PARP11: variants seen among roughly 807,000 people sequenced by gnomAD.
PARP11 encodes protein mono-ADP-ribosyltransferase PARP11.
A neutral mutation model predicts 42.9 loss-of-function variants in PARP11; 31 were observed. The ratio of observed to expected loss-of-function variants is 0.72; its 90% CI spans 0.54 to 0.98. The LOEUF is 0.98. PARP11 is among the 50% of genes least tolerant of loss of function. PARP11 has a pLI of 0.00. For missense variants in PARP11, 365 were observed against 413.1 expected, an observed-to-expected ratio of 0.88 and a Z score of 1.01; for synonymous variants, 137 against 127.3, an observed-to-expected ratio of 1.08 and a Z score of -0.51.
chr12:3,862,389 T>C (rs537786645), intron 1 of PARP11, among the ~76,000 whole-genome samples: 15 of 152,182 alleles, frequency 9.9e-5, no homozygotes, highest in South Asian at 4.1e-4. Context: ...AGTTCAATGT[T>C]ACAATGAGCT....
intron 6 of PARP11, among the ~76,000 whole-genome samples, chr12:3,821,303 A>C (rs1947386581): frequency 6.6e-6 from 1 of 152,200 alleles, no homozygotes; most frequent in Non-Finnish European, 1.5e-5. Context: ...AGAACAGGCT[A>C]ATTTGGATAA....
rs1948284690 is a variant in PARP11, at chr12:3,861,021, C to T, written c.18+12191G>A. Among the ~76,000 whole-genome samples, 1 of 152,160 alleles carries T rather than the reference C, an allele frequency of 6.6e-6. No homozygotes were observed. Among genetic ancestry groups the T allele is most frequent in the African/African-American group, 2.4e-5 (1 of 41,440 alleles). ...GCACATATTTGGTTTCACAGGGTCA[C>T]AGCTGGAGGAGAATTTGCCTCAGGA... On this transcript the variant is annotated intron_variant, in intron 1 of 7. Transcript: ENST00000228820. The surrounding 1 kb of genome is among the most constrained non-coding windows in gnomAD (Gnocchi z 4.6).
In PARP11 at chr12:3,809,315, T is replaced by A. The variant is rs1478313561; in HGVS notation, c.*2808A>T. 2.6e-5 allele frequency: 4 copies of A among 152,002 alleles called. No individual in the cohort carries two copies. Among genetic ancestry groups the A allele is most frequent in the African/African-American group, 9.7e-5 (4 of 41,380 alleles). The allele number at this position is 152,002 out of a possible 1,614,324, so 9.4% of individuals were successfully genotyped here. On this transcript the variant is annotated 3_prime_UTR_variant, in exon 8 of 8. Coordinates refer to ENST00000228820, the MANE Select transcript of PARP11 (RefSeq NM_020367.6). Reference sequence around the variant, plus strand: ...TTTAACATCCATTAACTCTGTACTATCATATTTTAAAATATGTATCAAAAT... The same window carrying A: ...TTTAACATCCATTAACTCTGTACTAACATATTTTAAAATATGTATCAAAAT...
chr12:3,871,278 T>C (rs1948473267), intron 1 of PARP11, among the ~76,000 whole-genome samples: 1 of 152,240 alleles, frequency 6.6e-6, no homozygotes, highest in South Asian at 2.1e-4. Context: ...GAGTAGTTTC[T>C]TATGTTTCAT....
At position 3,856,197 on chromosome 12, in the gene PARP11, T is replaced by C. The variant is rs192306875; in HGVS notation, c.18+17015A>G. 5.3e-5 allele frequency among the ~76,000 whole-genome samples: 8 copies of C among 152,274 alleles called. No homozygotes were observed. The East Asian group carries it at 1.5e-3, about 29-fold the overall frequency. On this transcript the variant is annotated intron_variant, in intron 1 of 7. Transcript: ENST00000228820. ...TAGAAGAAAACCTAGGTAATACCAT[T>C]CAGGACATAGGCATGGGCAAGGACT...
At chr12:3,837,412 G>C (rs1243244748) in intron 1 of PARP11, among the ~76,000 whole-genome samples, 3 of 152,186 alleles carry the variant, frequency 2.0e-5, no homozygotes, top group African/African-American at 7.2e-5. Flanking sequence ...AGATGTGTTT[G>C]TAAGTCTTGC....
At chr12:3,862,333 G>T (rs1248077417) in intron 1 of PARP11, among the ~76,000 whole-genome samples, 1 of 151,976 alleles carries the variant, frequency 6.6e-6, no homozygotes, top group Non-Finnish European at 1.5e-5. Context: ...TGCACCTGTA[G>T]TCCCAGCTAC....
At position 3,841,426 on chromosome 12, in the gene PARP11, G is replaced by A; in HGVS notation, c.19-11408C>T. 7.5e-6 allele frequency: 10 copies of A among 1,328,420 alleles called. No homozygotes were observed. The South Asian group carries it at 9.4e-5, about 13-fold the overall frequency. 82.3% of individuals were successfully genotyped at this position (1,328,420 alleles called of 1,614,324 possible). ...TCTTCATAATCCCTGGTTCAAAGAG[G>A]CTCCTGCCGCCCAGAATTAAAGTGA... On this transcript the variant is annotated intron_variant, in intron 1 of 7. Coordinates refer to ENST00000228820, the MANE Select transcript of PARP11 (RefSeq NM_020367.6).
intron 1 of PARP11, among the ~76,000 whole-genome samples, chr12:3,838,540 C>G (rs1021287042): frequency 6.6e-6 from 1 of 151,928 alleles, no homozygotes; most frequent in Non-Finnish European, 1.5e-5. Context: ...CAATGCAGAC[C>G]TTAAGGAACT....
In PARP11 at chr12:3,829,889, C is replaced by T. The variant is rs375960264; in HGVS notation, c.147+1G>A. ...CTGCTAAATTAAAGGAAAGGAGGTA[C>T]CTGAAACATGTGCCACTTCCCACAT... On this transcript the variant is annotated splice_donor_variant, in intron 2 of 7. Transcript: ENST00000228820. LOFTEE classifies it high-confidence loss of function. 4 of 1,613,652 alleles carry T rather than the reference C, an allele frequency of 2.5e-6. No homozygotes were observed. In the African/African-American group the frequency reaches 5.3e-5, roughly 22 times the overall value.
intron 1 of PARP11, among the ~76,000 whole-genome samples, chr12:3,844,143 G>A (rs761637207): frequency 5.3e-5 from 8 of 152,146 alleles, no homozygotes; most frequent in South Asian, 2.1e-4. Flanking sequence ...CCTAACGTCC[G>A]TGTAACTGCT....
rs1948225284 is a variant in PARP11, at chr12:3,858,163, C to CA, written c.18+15048dup. On this transcript the variant is annotated intron_variant, in intron 1 of 7. Coordinates refer to ENST00000228820, the MANE Select transcript of PARP11 (RefSeq NM_020367.6). ...AAGATATATAACCTCCTGACATATG[C>CA]AAAAAATGTACCTCCAGAGTCTATC... 3.9e-5 allele frequency among the ~76,000 whole-genome samples: 6 copies of CA among 152,174 alleles called. No homozygotes were observed. The South Asian group carries it at 1.2e-3, about 32-fold the overall frequency.
At chr12:3,828,067 T>C (rs976933933) in intron 3 of PARP11, among the ~76,000 whole-genome samples, 1 of 152,212 alleles carries the variant, frequency 6.6e-6, no homozygotes, top group African/African-American at 2.4e-5. Flanking sequence ...GTGGGGCTGA[T>C]TTCCAGATTA....
chr12:3,836,018 T>C (rs1437160374), intron 1 of PARP11, among the ~76,000 whole-genome samples: 1 of 151,876 alleles, frequency 6.6e-6, no homozygotes. Flanking sequence ...AAATTTTATA[T>C]ATATATACAC....
intron 1 of PARP11, chr12:3,871,690 C>G (rs2138145522): frequency 6.6e-6 from 1 of 152,338 alleles, no homozygotes; most frequent in Admixed American, 6.5e-5. Flanking sequence ...TACCATACAT[C>G]TGCCACCTTA....
At position 3,826,202 on chromosome 12, in the gene PARP11, C is replaced by T. The variant is rs1470917895; in HGVS notation, c.300G>A (p.Lys100=). The T allele has an allele frequency of 2.5e-6, 4 of 1,600,394 alleles. No individual in the cohort carries two copies. The highest frequency in any genetic ancestry group is 2.6e-6 in the Non-Finnish European group (3 of 1,175,856). The change falls in exon 4 of 8, where the codon AAG becomes AAA. Residue 100 remains lysine, a synonymous_variant. Transcript: ENST00000228820. The part of the protein sequence containing the change: ...EMKQMNLTTG[K]QRLIKRAPFS... ...AGGGGGCTCTTTTTATTAAGCGCTGCTTTCCAGTGGTGAGATTCATTTGCT... is the reference window on the plus strand; with the variant it reads ...AGGGGGCTCTTTTTATTAAGCGCTGTTTTCCAGTGGTGAGATTCATTTGCT...
intron 1 of PARP11, among the ~76,000 whole-genome samples, chr12:3,858,254 TTCAG>T (rs1393098516): frequency 1.3e-5 from 2 of 152,232 alleles, no homozygotes; most frequent in Non-Finnish European, 2.9e-5. Context: ...CAGTTGTTCA[TTCAG>T]TATCAATGGT....
intron 1 of PARP11, among the ~76,000 whole-genome samples, chr12:3,846,517 G>A (rs1948000450): frequency 6.6e-6 from 1 of 152,058 alleles, no homozygotes. Context: ...AGCACTTTGG[G>A]AGGCCAAGGT....
chr12:3,836,013 T>TTA (rs1288070603), intron 1 of PARP11, among the ~76,000 whole-genome samples: 19 of 151,490 alleles, frequency 1.3e-4, no homozygotes, highest in African/African-American at 3.2e-4. Flanking sequence ...TTTGTAAATT[T>TTA]TATATATATA....
Sources: gnomAD v4.1 joint callset for allele counts (sites outside exome capture counted in the v4.1 genomes callset) on GRCh38, gnomAD v4.1.1 for gene constraint, Gnocchi (gnomAD v3.1) non-coding constraint, MANE v1.5 for transcripts, NCBI Gene and HGNC (gene_info 2026-07-23, HGNC 2026-07-21) for gene names.